Variants in KCNH1 observed in about 807,000 individuals in gnomAD.
KCNH1 encodes the protein potassium voltage-gated channel subfamily H member 1.
In KCNH1, 27 loss-of-function variants were observed where a neutral mutation model predicts 69.2. That is an observed-to-expected ratio of 0.39 (90% CI 0.29 to 0.54). The LOEUF (loss-of-function observed/expected upper bound fraction) is 0.54, where lower values mean the gene tolerates loss of function less well. Among genes scored for constraint, KCNH1 ranks in the 20% least tolerant of loss-of-function variants. The pLI is 0.68. For missense variants in KCNH1, 798 were observed against 1,261.6 expected, an observed-to-expected ratio of 0.63 and a Z score of 5.57; for synonymous variants, 456 against 487.7, an observed-to-expected ratio of 0.93 and a Z score of 0.86.
At chr1:210,789,422 T>G (rs1316906877) in intron 9 of KCNH1, among the ~76,000 whole-genome samples, 1 of 152,214 alleles carries the variant, frequency 6.6e-6, no homozygotes, top group Non-Finnish European at 1.5e-5. Flanking sequence ...CCAAGAATGC[T>G]TAGAGGGAGG....
chr1:210,788,271 C>G (rs1233332364), intron 9 of KCNH1, among the ~76,000 whole-genome samples: 1 of 152,158 alleles, frequency 6.6e-6, no homozygotes, highest in Non-Finnish European at 1.5e-5. Flanking sequence ...TTCCATCTTT[C>G]TTTTACTCAT....
chr1:210,959,766 CA>C (rs1192259415), intron 6 of KCNH1, among the ~76,000 whole-genome samples: 3 of 152,198 alleles, frequency 2.0e-5, no homozygotes, highest in African/African-American at 4.8e-5. Flanking sequence ...ATGAGAAAAG[CA>C]CAGTATTTAG....
chr1:210,967,644 T>C (rs1030047971), intron 6 of KCNH1, among the ~76,000 whole-genome samples: 1 of 152,178 alleles, frequency 6.6e-6, no homozygotes, highest in East Asian at 1.9e-4. Flanking sequence ...ATCTGTCAAT[T>C]TGTCTATCCT....
At chr1:210,961,241 C>T (rs752598988) in intron 6 of KCNH1, among the ~76,000 whole-genome samples, 15 of 151,806 alleles carry the variant, frequency 9.9e-5, no homozygotes, top group South Asian at 6.3e-4. Flanking sequence ...ATTAGATACA[C>T]GACTTGCAAA....
intron 10 of KCNH1, among the ~76,000 whole-genome samples, chr1:210,688,186 T>C (rs1458759378): frequency 3.3e-5 from 5 of 152,220 alleles, no homozygotes; most frequent in African/African-American, 1.2e-4. Flanking sequence ...AGATCCACTC[T>C]TTTGAATGAA....
chr1:210,686,327 G>A (rs139010767), intron 10 of KCNH1, among the ~76,000 whole-genome samples: 1 of 152,112 alleles, frequency 6.6e-6, no homozygotes, highest in Non-Finnish European at 1.5e-5. Flanking sequence ...TCCAAATCCT[G>A]TTCACACCAA....
chr1:210,950,398 G>T (rs1414572460), intron 6 of KCNH1, among the ~76,000 whole-genome samples: 1 of 122,242 alleles, frequency 8.2e-6, no homozygotes, highest in Non-Finnish European at 1.6e-5. Context: ...TCCCCAGAGT[G>T]TGATATTCCC....
intron 10 of KCNH1, among the ~76,000 whole-genome samples, chr1:210,734,234 GATT>G (rs1682816418): frequency 1.3e-5 from 2 of 152,122 alleles, no homozygotes; most frequent in Admixed American, 6.5e-5. Context: ...TTCATGAAAG[GATT>G]TCCTACTGAA....
intron 7 of KCNH1, among the ~76,000 whole-genome samples, chr1:210,909,520 C>A (rs1017188138): frequency 1.3e-5 from 2 of 152,194 alleles, no homozygotes; most frequent in Non-Finnish European, 2.9e-5. Context: ...TCATTTATGC[C>A]ATTTAATTTG....
At chr1:210,718,651 TACACACACACACAC>T (rs57407331) in intron 10 of KCNH1, among the ~76,000 whole-genome samples, 2,927 of 75,548 alleles carry the variant, frequency 0.039, 215 homozygotes, top group East Asian at 0.12. Flanking sequence ...CATATATATA[TACACACACACACAC>T]ACACACACAC....
At chr1:210,944,177 T>C (rs1418286892) in intron 6 of KCNH1, among the ~76,000 whole-genome samples, 2 of 152,190 alleles carry the variant, frequency 1.3e-5, no homozygotes, top group African/African-American at 4.8e-5. Context: ...CTATTATGAG[T>C]CTACAGCATA....
chr1:210,935,192 A>AAT (rs1463405234), intron 6 of KCNH1, among the ~76,000 whole-genome samples: 2 of 151,424 alleles, frequency 1.3e-5, no homozygotes, highest in Non-Finnish European at 2.9e-5. Context: ...TAAAAAAAAA[A>AAT]ATAAAATCCT....
At chr1:210,987,603 T>G (rs1239824308) in intron 6 of KCNH1, among the ~76,000 whole-genome samples, 1 of 152,172 alleles carries the variant, frequency 6.6e-6, no homozygotes, top group South Asian at 2.1e-4. Flanking sequence ...CAGCGGATAT[T>G]GGTGAACCGC....
intron 7 of KCNH1, among the ~76,000 whole-genome samples, chr1:210,848,177 C>T (rs950271098): frequency 3.9e-5 from 6 of 152,242 alleles, no homozygotes; most frequent in African/African-American, 1.2e-4. Flanking sequence ...GATAGTAATA[C>T]CTTATAGGTA....
chr1:210,861,218 A>G, intron 7 of KCNH1: 1 of 980,394 alleles, frequency 1.0e-6, no homozygotes, highest in Non-Finnish European at 1.7e-6. Flanking sequence ...CAATGGAAAA[A>G]TAACATCTTG....
At chr1:211,041,514 C>T (rs1329134531) in intron 5 of KCNH1, among the ~76,000 whole-genome samples, 2 of 152,222 alleles carry the variant, frequency 1.3e-5, no homozygotes, top group African/African-American at 2.4e-5. Flanking sequence ...CTCACAACAG[C>T]ATGGCAGCAG....
chr1:211,082,684 T>C (rs1690879413), intron 5 of KCNH1, 96 bp downstream of exon 5: 1 of 941,154 alleles, frequency 1.1e-6, no homozygotes, highest in Admixed American at 2.1e-5. Flanking sequence ...GTCCTGAAGG[T>C]CCTCTCCATG....
At position 210,707,928 on chromosome 1, in the gene KCNH1, G is replaced by A. The variant is rs776229563; in HGVS notation, c.2113-23790C>T. ...AACGGCAAATGAGGTCTTCTTTTTT[G>A]TCTACCACTCACTCTTAAGTGTGCT... On this transcript the variant is annotated intron_variant, in intron 10 of 10. Coordinates refer to ENST00000271751, the MANE Select transcript of KCNH1 (RefSeq NM_172362.3). 5.3e-5 allele frequency among the ~76,000 whole-genome samples: 8 copies of A among 152,018 alleles called. No individual in the cohort carries two copies. In the South Asian group the frequency reaches 8.3e-4, roughly 16 times the overall value.
chr1:210,997,429 G>A (rs1211527069), intron 6 of KCNH1, among the ~76,000 whole-genome samples: 1 of 152,118 alleles, frequency 6.6e-6, no homozygotes, highest in Non-Finnish European at 1.5e-5. Flanking sequence ...AAGATGAAAT[G>A]AATGAAACGA....
Sources: gnomAD v4.1 joint callset for allele counts (sites outside exome capture counted in the v4.1 genomes callset) on GRCh38, gnomAD v4.1.1 for gene constraint, MANE v1.5 for transcripts, NCBI Gene and HGNC (gene_info 2026-07-23, HGNC 2026-07-21) for gene names.